Variants in MED14 observed in about 807,000 individuals in gnomAD.
MED14 encodes mediator of RNA polymerase II transcription subunit 14.
MED14 carries 8 observed loss-of-function variants against 109.0 expected under a neutral mutation model. The ratio of observed to expected loss-of-function variants is 0.07; its 90% CI spans 0.04 to 0.13. The LOEUF (loss-of-function observed/expected upper bound fraction) is 0.13, where lower values mean the gene tolerates loss of function less well. Among genes scored for constraint, MED14 ranks in the 10% least tolerant of loss-of-function variants. The probability of loss-of-function intolerance (pLI) is 1.00; values close to 1 mark genes in which losing one functional copy is unlikely to be tolerated. For synonymous variants in MED14, 399 were observed against 408.7 expected, an observed-to-expected ratio of 0.98 and a Z score of 0.29; for missense variants, 711 against 1,142.4, an observed-to-expected ratio of 0.62 and a Z score of 5.44.
chrX:40,722,305 A>G (rs1021636642), intron 3 of MED14, among the ~76,000 whole-genome samples: 2 of 112,215 alleles, frequency 1.8e-5, no homozygotes, highest in East Asian at 5.6e-4. Context: ...TAGAGTTGAA[A>G]AATGCAATCG....
chrX:40,724,877 G>C (rs1270459805), intron 3 of MED14, among the ~76,000 whole-genome samples: 1 of 110,891 alleles, frequency 9.0e-6, no homozygotes, highest in African/African-American at 3.3e-5. Flanking sequence ...CAAGAAGCTG[G>C]TTTTCTGAAA....
At chrX:40,705,824 T>C (rs1314836981) in intron 10 of MED14, among the ~76,000 whole-genome samples, 1 of 111,266 alleles carries the variant, frequency 9.0e-6, no homozygotes, top group African/African-American at 3.3e-5. Flanking sequence ...TGCTGAAGGG[T>C]AGAGTACAAC....
At chrX:40,676,807 C>G (rs1298237028) in intron 21 of MED14, among the ~76,000 whole-genome samples, 2 of 112,096 alleles carry the variant, frequency 1.8e-5, no homozygotes, top group East Asian at 5.6e-4. Flanking sequence ...CTTGCTTCCC[C>G]TTTACCTTCC....
At chrX:40,687,355 G>A (rs1231862916) in intron 16 of MED14, among the ~76,000 whole-genome samples, 2 of 111,636 alleles carry the variant, frequency 1.8e-5, no homozygotes, top group Admixed American at 9.5e-5. Context: ...CAACTCTAAT[G>A]TGAACCACTT....
chrX:40,705,567 A>G (rs754548736), intron 10 of MED14, among the ~76,000 whole-genome samples: 14 of 112,372 alleles, frequency 1.2e-4, no homozygotes, highest in Non-Finnish European at 2.3e-4. Flanking sequence ...AAAAATGGGG[A>G]AACTTGCAAA....
At chrX:40,653,389 A>C (rs1290695766) in intron 30 of MED14, among the ~76,000 whole-genome samples, 1 of 112,088 alleles carries the variant, frequency 8.9e-6, no homozygotes, top group East Asian at 2.8e-4. Context: ...CTTATACATT[A>C]AAGTGAGAAC....
chrX:40,703,831 G>A (rs1931040604), intron 10 of MED14, among the ~76,000 whole-genome samples: 1 of 112,533 alleles, frequency 8.9e-6, no homozygotes, highest in Admixed American at 9.4e-5. Flanking sequence ...CTTAAAGAGG[G>A]TTGAAATAGC....
rs756585362 is a variant in MED14, at chrX:40,709,992, TCTA to T, written c.1157_1159del (p.Val386del). The stretch of plus-strand genomic sequence containing the variant: ...GAGATCTTTTACCTTCATGGCTCTT[TCTA>T]CTAATTTGGAATCAGAAGCTGGCAA... On this transcript the variant is annotated inframe_deletion, in exon 9 of 31. Coordinates refer to ENST00000324817, the MANE Select transcript of MED14 (RefSeq NM_004229.4). 1 of 1,179,167 alleles carries T rather than the reference TCTA, an allele frequency of 8.5e-7. No individual in the cohort carries two copies. Among genetic ancestry groups the T allele is most frequent in the Non-Finnish European group, 1.1e-6 (1 of 876,349 alleles).
intron 13 of MED14, among the ~76,000 whole-genome samples, chrX:40,694,404 T>C (rs1160115773): frequency 2.7e-5 from 3 of 111,285 alleles, no homozygotes; most frequent in African/African-American, 9.8e-5. Flanking sequence ...GTGACAAAAA[T>C]ATATGCCATT....
intron 13 of MED14, among the ~76,000 whole-genome samples, chrX:40,695,807 A>G (rs919521676): frequency 8.9e-6 from 1 of 112,466 alleles, no homozygotes; most frequent in African/African-American, 3.2e-5. Flanking sequence ...ACTAGTCTAC[A>G]TAAGTATCCC....
intron 30 of MED14, 68 bp from the exon 31 acceptor site, chrX:40,651,947 A>G: frequency 2.9e-6 from 3 of 1,030,945 alleles, no homozygotes; most frequent in Non-Finnish European, 3.8e-6. Flanking sequence ...CCGGTAAGGG[A>G]AGGGGTAATT....
intron 1 of MED14, among the ~76,000 whole-genome samples, chrX:40,734,626 G>A (rs1932188626): frequency 8.9e-6 from 1 of 111,838 alleles, no homozygotes; most frequent in African/African-American, 3.3e-5. Flanking sequence ...GCATTTCATG[G>A]GTAACTAGGT....
chrX:40,695,664 T>G (rs1395828831), intron 13 of MED14, among the ~76,000 whole-genome samples: 1 of 112,469 alleles, frequency 8.9e-6, no homozygotes, highest in Non-Finnish European at 1.9e-5. Context: ...TATTCTGTAT[T>G]ATCATTTCAC....
chrX:40,705,249 G>A (rs1182299979), intron 10 of MED14, among the ~76,000 whole-genome samples: 1 of 112,323 alleles, frequency 8.9e-6, no homozygotes, highest in Non-Finnish European at 1.9e-5. Context: ...TTTCCATAGT[G>A]TCACAATTCC....
At chrX:40,685,432 T>G (rs1354324587) in intron 16 of MED14, among the ~76,000 whole-genome samples, 2 of 112,355 alleles carry the variant, frequency 1.8e-5, no homozygotes, top group Non-Finnish European at 3.8e-5. Context: ...CACACGTGTA[T>G]GAAGGACAAG....
Position 40,702,326 on chromosome X carries a change from AAC to A in MED14, c.1412-1085_1412-1084del, listed in dbSNP as rs758179245. On this transcript the variant is annotated intron_variant, in intron 11 of 30. Transcript: ENST00000324817. ...TATGTACTATGTTAATAATCAGAAA[AAC>A]AGTTAAATATAAGTTTTGTTTTTTT... Among the ~76,000 whole-genome samples the A allele has an allele frequency of 4.5e-4, 49 of 109,487 alleles. 3 individuals carry two copies. The highest frequency in any genetic ancestry group is 3.0e-4 in the Non-Finnish European group (16 of 52,845).
rs574617363 is a variant in MED14, at chrX:40,649,800, C to T, written c.*2006G>A. 2.4e-5 allele frequency: 19 copies of T among 808,102 alleles called. 1 individual carries two copies. In the South Asian group the frequency reaches 6.2e-4, roughly 26 times the overall value. 66.6% of individuals were successfully genotyped at this position (808,102 alleles called of 1,213,427 possible). A position where few individuals can be genotyped will look rare whatever the true frequency, so the allele number is the denominator to read the frequency against. On this transcript the variant is annotated 3_prime_UTR_variant, in exon 31 of 31. Transcript: ENST00000324817. ...CAAGCATAATATAAAAATTCAAATTCATGGGTTTACTCTTAATAAGCATCA... is the reference window on the plus strand; with the variant it reads ...CAAGCATAATATAAAAATTCAAATTTATGGGTTTACTCTTAATAAGCATCA...
chrX:40,712,555 G>T (rs1212748864), intron 6 of MED14, among the ~76,000 whole-genome samples: 1 of 111,078 alleles, frequency 9.0e-6, no homozygotes, highest in African/African-American at 3.3e-5. Context: ...AGAGAGACAG[G>T]ATCTTGCTCT....
chrX:40,716,142 A>AGG (rs1931515056), intron 3 of MED14, among the ~76,000 whole-genome samples: 1 of 111,933 alleles, frequency 8.9e-6, no homozygotes, highest in Non-Finnish European at 1.9e-5. Context: ...AACCACAATG[A>AGG]GATATCATCT....
Sources: gnomAD v4.1 joint callset for allele counts (sites outside exome capture counted in the v4.1 genomes callset) on GRCh38, gnomAD v4.1.1 for gene constraint, MANE v1.5 for transcripts, NCBI Gene and HGNC (gene_info 2026-07-23, HGNC 2026-07-21) for gene names.